Variants in HDGF observed in about 807,000 individuals in gnomAD.
The protein encoded by HDGF is hepatoma-derived growth factor.
HDGF carries 5 observed loss-of-function variants against 30.0 expected under a neutral mutation model. The observed-to-expected ratio is 0.17, with a 90% CI of 0.09 to 0.35. The LOEUF is 0.35. HDGF is among the 10% of genes least tolerant of loss of function. The pLI, the probability that HDGF is intolerant of heterozygous loss-of-function variation, is 1.00. For synonymous variants in HDGF, 133 were observed against 112.7 expected (o/e 1.18, Z -1.14); for missense variants, 214 against 302.8 (o/e 0.71, Z 2.18).
intron 1 of HDGF, chr1:156,750,843 C>G (rs970848607): frequency 6.6e-6 from 1 of 152,430 alleles, no homozygotes; most frequent in African/African-American, 2.4e-5. Flanking sequence ...CCATCTAGCC[C>G]TCTCCGGGTT....
chr1:156,765,963 G>A (rs1651363201), intron 1 of HDGF, among the ~76,000 whole-genome samples: 1 of 152,180 alleles, frequency 6.6e-6, no homozygotes, highest in Admixed American at 6.6e-5. Flanking sequence ...TGCCTGGTTT[G>A]CAACTAACTG....
Position 156,751,457 on chromosome 1 carries a change from G to T in HDGF, c.-28C>A, listed in dbSNP as rs778658872. The T allele has an allele frequency of 4.0e-6, 6 of 1,508,304 alleles. No homozygotes were observed. The highest frequency in any genetic ancestry group is 3.7e-5 in the South Asian group (3 of 81,356). 93.4% of individuals were successfully genotyped at this position (1,508,304 alleles called of 1,614,324 possible). A position where few individuals can be genotyped will look rare whatever the true frequency, so the allele number is the denominator to read the frequency against. On this transcript the variant is annotated 5_prime_UTR_variant, in exon 1 of 6. Coordinates refer to ENST00000357325, the MANE Select transcript of HDGF (RefSeq NM_004494.3). This position sits in a 1 kb window ranked among gnomAD's most constrained non-coding sequence, Gnocchi z 4.7. ...CGGGGCTCCGGGCGCCCCGGGCTCC[G>T]CGCCGGGCCGGGAAGCGCGAGCCCA...
At chr1:156,748,475 C>T (rs1257184400) in intron 1 of HDGF, among the ~76,000 whole-genome samples, 1 of 152,190 alleles carries the variant, frequency 6.6e-6, no homozygotes, top group African/African-American at 2.4e-5. Flanking sequence ...CCACGGTACC[C>T]CCTCCACTAG....
At chr1:156,752,982 A>G (rs998977614), upstream of HDGF, among the ~76,000 whole-genome samples, 2 of 152,196 alleles carry the variant, frequency 1.3e-5, no homozygotes, top group Non-Finnish European at 2.9e-5. Flanking sequence ...CCTGCTGTTC[A>G]TCTGTCCTGA....
upstream of HDGF, among the ~76,000 whole-genome samples, chr1:156,756,949 C>T (rs527869685): frequency 5.9e-5 from 9 of 151,912 alleles, no homozygotes; most frequent in African/African-American, 1.4e-4. Flanking sequence ...TACGCCACCA[C>T]GCCCATTTAA....
chr1:156,746,819 C>G (rs1292346780), intron 1 of HDGF, among the ~76,000 whole-genome samples: 1 of 152,160 alleles, frequency 6.6e-6, no homozygotes, highest in East Asian at 1.9e-4. Flanking sequence ...GACTGGGGCC[C>G]CAGGCGCAAA....
chr1:156,762,702 C>T lies in HDGF; in HGVS notation n.137-3483G>A, dbSNP rs192446007. On this transcript the variant is annotated intron_variant and non_coding_transcript_variant, in intron 1 of 7. Transcript: ENST00000465180. ...CCTGACCAACATGGAGAAACTCCAT[C>T]TCTACTAAAAATACAAAAAATTAGC... 2.0e-5 allele frequency among the ~76,000 whole-genome samples: 3 copies of T among 152,222 alleles called. No homozygotes were observed. The East Asian group carries it at 5.8e-4, about 29-fold the overall frequency.
Position 156,743,864 on chromosome 1 carries a change from A to G in HDGF, c.504T>C (p.Arg168=). The change falls in exon 5 of 6, where the codon CGT becomes CGC. Residue 168 remains arginine, a synonymous_variant. Coordinates refer to ENST00000357325, the MANE Select transcript of HDGF (RefSeq NM_004494.3). ...AGDLLEDSPK[R]PKEAENPEGE... is the part of the protein sequence containing the mutation. ...CTTCAGGGTTTTCTGCCTCCTTGGG[A>G]CGTTTAGGAGAGTCCTAGGCAGGAT... The G allele has an allele frequency of 6.2e-7, 1 of 1,613,248 alleles. No homozygotes were observed.
chr1:156,743,128 G>A lies in HDGF; in HGVS notation c.*321C>T, dbSNP rs1159480053. On this transcript the variant is annotated 3_prime_UTR_variant, in exon 6 of 6. Transcript: ENST00000357325. Reference sequence around the variant, plus strand: ...GTGGGAGAAGGGTGTCAGGAGGTGGGAGCAGTTGTCCCAGGCCCCAGCAGA... The same window carrying A: ...GTGGGAGAAGGGTGTCAGGAGGTGGAAGCAGTTGTCCCAGGCCCCAGCAGA... The A allele has an allele frequency of 1.7e-5, 5 of 299,054 alleles. No homozygotes were observed. In the East Asian group the frequency reaches 2.3e-4, roughly 13 times the overall value. 18.5% of individuals were successfully genotyped at this position (299,054 alleles called of 1,614,324 possible). A position where few individuals can be genotyped will look rare whatever the true frequency, so the allele number is the denominator to read the frequency against.
At chr1:156,749,737 C>A (rs1650835685) in intron 1 of HDGF, among the ~76,000 whole-genome samples, 3 of 152,174 alleles carry the variant, frequency 2.0e-5, no homozygotes, top group Admixed American at 2.0e-4. Flanking sequence ...GTCCCTGCCC[C>A]TTTTCTCTCT....
At chr1:156,744,865 C>G in intron 3 of HDGF, 143 bp downstream of exon 3, 1 of 958,470 alleles carries the variant, frequency 1.0e-6, no homozygotes, top group Non-Finnish European at 1.6e-6. Flanking sequence ...TTGCAGGAAG[C>G]CCCCTTCCCA....
upstream of HDGF, among the ~76,000 whole-genome samples, chr1:156,753,323 A>T (rs991432428): frequency 3.3e-5 from 5 of 152,186 alleles, no homozygotes; most frequent in African/African-American, 1.2e-4. Context: ...CAAGCTTGTC[A>T]ATTTGTTTCC....
At chr1:156,745,460 A>G (rs1037436780) in intron 1 of HDGF, 87 bp from the exon 2 acceptor site, 1 of 1,135,164 alleles carries the variant, frequency 8.8e-7, no homozygotes, top group African/African-American at 1.5e-5. Context: ...GCACATTTAT[A>G]TAAAATCAGA....
At chr1:156,765,340 G>T (rs998922401) in intron 1 of HDGF, among the ~76,000 whole-genome samples, 1 of 151,220 alleles carries the variant, frequency 6.6e-6, no homozygotes, top group African/African-American at 2.4e-5. Context: ...TGATCTGCCC[G>T]CCTCGGCCTC....
At chr1:156,752,262 T>C, upstream of HDGF, 1 of 1,551,810 alleles carries the variant, frequency 6.4e-7, no homozygotes, top group Non-Finnish European at 8.7e-7. Context: ...CGTCGGGGAT[T>C]TGAGCCCTAC....
Position 156,744,319 on chromosome 1 carries a change from C to A in HDGF, c.333G>T (p.Glu111Asp). The change falls in exon 4 of 6, where the codon GAG becomes GAT. Residue 111 changes from glutamate (E) to aspartate (D), a missense_variant. Glu to Asp is a conservative substitution (Grantham distance 45). Transcript: ENST00000357325. The part of the protein sequence containing the change: ...QSSQKKSCVE[E>D]PEPEPEAAEG... ...CTGCAGCTTCGGGCTCTGGTTCAGG[C>A]TCTTCCACACAGCTCTTTTTCTGGG... The A allele has an allele frequency of 6.2e-7, 1 of 1,614,174 alleles. No homozygotes were observed.
chr1:156,747,694 T>G (rs915721439), intron 1 of HDGF, among the ~76,000 whole-genome samples: 1 of 152,062 alleles, frequency 6.6e-6, no homozygotes, highest in African/African-American at 2.4e-5. Flanking sequence ...GCTCTGTATT[T>G]TCAGTGCCCA....
chr1:156,743,936 C>A, intron 4 of HDGF, 58 bp from the exon 5 acceptor site: 1 of 1,288,490 alleles, frequency 7.8e-7, no homozygotes, highest in Non-Finnish European at 1.1e-6. Context: ...CACCAGCCAC[C>A]CACTCCTCTC....
chr1:156,765,472 C>CTTTCTTTTTTTT (rs1159054263), intron 1 of HDGF, among the ~76,000 whole-genome samples: 1 of 85,982 alleles, frequency 1.2e-5, no homozygotes, highest in African/African-American at 4.7e-5. Context: ...TTCTTTCTTT[C>CTTTCTTTTTTTT]TTTTTTTTTT....
Sources: gnomAD v4.1 joint callset for allele counts (sites outside exome capture counted in the v4.1 genomes callset) on GRCh38, gnomAD v4.1.1 for gene constraint, Gnocchi (gnomAD v3.1) non-coding constraint, MANE v1.5 for transcripts, NCBI Gene and HGNC (gene_info 2026-07-23, HGNC 2026-07-21) for gene names.